AOX1: variants seen among roughly 807,000 people sequenced by gnomAD.
AOX1 encodes the protein aldehyde oxidase 1.
Under a neutral mutation model 169.5 loss-of-function variants are expected in AOX1, and 153 were observed. The ratio of observed to expected loss-of-function variants is 0.90; its 90% confidence interval spans 0.79 to 1.03. AOX1 has a LOEUF of 1.03. Among genes scored for constraint, AOX1 ranks in the 50% least tolerant of loss-of-function variants. The pLI, the probability that AOX1 is intolerant of heterozygous loss-of-function variation, is 0.00. For missense variants in AOX1, 1,656 were observed against 1,663.9 expected, an observed-to-expected ratio of 1.00 and a Z score of 0.08; for synonymous variants, 562 against 581.9, an observed-to-expected ratio of 0.97 and a Z score of 0.49.
chr2:200,651,078 T>C lies in AOX1; in HGVS notation c.2952T>C (p.Ser984=), dbSNP rs762537693. ...IQCWRECMAM[S]SYSLRKVAVE... ...GTTGGAGAGAATGTATGGCCATGTCTTCCTACTCCTTGAGGAAAGTTGCTG... is the reference window on the plus strand; with the variant it reads ...GTTGGAGAGAATGTATGGCCATGTCCTCCTACTCCTTGAGGAAAGTTGCTG... Residue 984 remains serine, a synonymous_variant, in exon 26 of 35, where the codon TCT becomes TCC. Coordinates refer to ENST00000374700, the MANE Select transcript of AOX1 (RefSeq NM_001159.4). The C allele has an allele frequency of 6.2e-7, 1 of 1,614,224 alleles. No homozygotes were observed. The highest frequency in any genetic ancestry group is 1.1e-5 in the South Asian group (1 of 91,080).
downstream of AOX1, among the ~76,000 whole-genome samples, chr2:200,672,400 G>T (rs1365508718): frequency 6.6e-6 from 1 of 152,192 alleles, no homozygotes; most frequent in Non-Finnish European, 1.5e-5. Flanking sequence ...CCAAAAACAT[G>T]GAAGCCTCAA....
downstream of AOX1, among the ~76,000 whole-genome samples, chr2:200,673,341 A>T (rs1047313663): frequency 2.0e-5 from 3 of 152,152 alleles, no homozygotes; most frequent in African/African-American, 7.2e-5. Context: ...AAACGTCCCA[A>T]GCAGATCTCC....
chr2:200,601,912 C>T (rs536548246), intron 5 of AOX1, among the ~76,000 whole-genome samples: 23 of 151,894 alleles, frequency 1.5e-4, no homozygotes, highest in East Asian at 5.8e-4. Flanking sequence ...GCAGCCTGGG[C>T]GACAGAATGA....
At position 200,605,618 on chromosome 2, in the gene AOX1, T is replaced by C. The variant is rs1391137745; in HGVS notation, c.897T>C (p.His299=). Residue 299 remains histidine, a synonymous_variant, in exon 10 of 35, where the codon CAT becomes CAC. Transcript: ENST00000374700. ...DRIEELSVVN[H]AYNGLTLGAG... ...TTGAAGAACTGAGTGTTGTAAACCA[T>C]GCATATAATGGTGAGTTCTCAAGTC... 3.9e-6 allele frequency: 6 copies of C among 1,528,168 alleles called. No individual in the cohort carries two copies. In the African/African-American group the frequency reaches 5.6e-5, roughly 14 times the overall value. The allele number at this position is 1,528,168 out of a possible 1,614,324, so 94.7% of individuals were successfully genotyped here.
Position 200,604,800 on chromosome 2 carries a change from G to A in AOX1, c.774G>A (p.Lys258=). 1 of 1,608,870 alleles carries A rather than the reference G, an allele frequency of 6.2e-7. No homozygotes were observed. The highest frequency in any genetic ancestry group is 8.5e-7 in the Non-Finnish European group (1 of 1,176,758). ...AGGAACTGCTGGAATTTAAATTCAA[G>A]TATCCCCAGGCTCCTGTTATCATGG... The part of the protein sequence containing the change: ...TLKELLEFKF[K]YPQAPVIMGN... Residue 258 remains lysine (K), a synonymous_variant, in exon 9 of 35, where the codon AAG becomes AAA. Coordinates refer to ENST00000374700, the MANE Select transcript of AOX1 (RefSeq NM_001159.4).
At chr2:200,643,582 G>T (rs771061131) in intron 25 of AOX1, among the ~76,000 whole-genome samples, 3 of 152,114 alleles carry the variant, frequency 2.0e-5, no homozygotes, top group Non-Finnish European at 2.9e-5. Flanking sequence ...CCAGTAGTGG[G>T]ATTGCTGGGT....
At chr2:200,605,857 T>A (rs980258865) in intron 10 of AOX1, among the ~76,000 whole-genome samples, 5 of 152,252 alleles carry the variant, frequency 3.3e-5, no homozygotes, top group Admixed American at 3.3e-4. Context: ...ATAAATTTAT[T>A]TAAGTTCCTT....
intron 28 of AOX1, 149 bp from the exon 29 acceptor site, chr2:200,659,846 C>A: frequency 1.7e-6 from 1 of 597,822 alleles, no homozygotes; most frequent in Non-Finnish European, 2.9e-6. Flanking sequence ...TCATATGAAA[C>A]CTTTCATATC....
chr2:200,607,439 A>G (rs758845456), intron 10 of AOX1, among the ~76,000 whole-genome samples: 1 of 152,222 alleles, frequency 6.6e-6, no homozygotes, highest in Non-Finnish European at 1.5e-5. Context: ...GCCAGTCAGA[A>G]TGGTGATTAT....
chr2:200,668,573 G>A (rs1013354276), intron 32 of AOX1, 42 bp from the exon 33 acceptor site: 3 of 1,552,780 alleles, frequency 1.9e-6, no homozygotes, highest in Admixed American at 1.9e-5. Context: ...TGTTGACTGT[G>A]TTTTCTCATA....
intron 18 of AOX1, among the ~76,000 whole-genome samples, chr2:200,622,412 C>T (rs1017364228): frequency 1.3e-5 from 2 of 152,188 alleles, no homozygotes; most frequent in Non-Finnish European, 2.9e-5. Flanking sequence ...CTGCATAATT[C>T]GGACTGCTCA....
At chr2:200,605,428 T>G in intron 9 of AOX1, 108 bp from the exon 10 acceptor site, 1 of 454,056 alleles carries the variant, frequency 2.2e-6, no homozygotes, top group Non-Finnish European at 3.8e-6. Context: ...AAAGATACAA[T>G]ATTTTTAGAT....
At chr2:200,674,073 C>T (rs572221700), downstream of AOX1, among the ~76,000 whole-genome samples, 33 of 152,350 alleles carry the variant, frequency 2.2e-4, no homozygotes, top group African/African-American at 6.7e-4. Flanking sequence ...GCGGGAGGAA[C>T]AAGCCAGCAG....
intron 25 of AOX1, among the ~76,000 whole-genome samples, chr2:200,644,167 T>A (rs1484850906): frequency 1.3e-5 from 2 of 152,202 alleles, no homozygotes; most frequent in South Asian, 4.1e-4. Flanking sequence ...GATTTTCCAA[T>A]GTTATCTTCT....
intron 16 of AOX1, among the ~76,000 whole-genome samples, chr2:200,620,197 G>GA (rs1470190926): frequency 8.6e-6 from 1 of 116,618 alleles, no homozygotes; most frequent in Non-Finnish European, 1.8e-5. Context: ...TATTAATAGT[G>GA]ACTTTTTTTT....
In AOX1 at chr2:200,642,729, T is replaced by TA; in HGVS notation, c.2775_2776insA (p.Pro926ThrfsTer23). The TA allele has an allele frequency of 6.2e-7, 1 of 1,614,176 alleles. No homozygotes were observed. Among genetic ancestry groups the TA allele is most frequent in the South Asian group, 1.1e-5 (1 of 91,082 alleles). ...ACACAGCTTTTCGTGGGTTTGGCTT[T>TA]CCTCAGGCAGCGCTGATCACCGAAT... On this transcript the variant is annotated frameshift_variant, in exon 25 of 35. Coordinates refer to ENST00000374700, the MANE Select transcript of AOX1 (RefSeq NM_001159.4). LOFTEE classifies it high-confidence loss of function.
intron 26 of AOX1, among the ~76,000 whole-genome samples, 162 bp from the exon 27 acceptor site, chr2:200,656,680 G>A (rs930537576): frequency 2.6e-5 from 4 of 151,986 alleles, no homozygotes; most frequent in Non-Finnish European, 4.4e-5. Context: ...TAGAGTCCCC[G>A]CCCTGGTTTC....
chr2:200,659,012 C>T (rs576395461), intron 27 of AOX1, among the ~76,000 whole-genome samples, 153 bp from the exon 28 acceptor site: 3 of 152,280 alleles, frequency 2.0e-5, no homozygotes, highest in South Asian at 4.1e-4. Context: ...TTTTTAGAAA[C>T]AAGAAACTTT....
At chr2:200,655,637 C>T (rs1248354567) in intron 26 of AOX1, among the ~76,000 whole-genome samples, 1 of 152,078 alleles carries the variant, frequency 6.6e-6, no homozygotes, top group Non-Finnish European at 1.5e-5. Flanking sequence ...TTACACCTGC[C>T]GACCAAATAA....
Sources: allele counts gnomAD v4.1 joint callset (sites outside exome capture counted in the v4.1 genomes callset), GRCh38; gene constraint gnomAD v4.1.1; transcripts MANE v1.5; gene names NCBI Gene and HGNC (gene_info 2026-07-23, HGNC 2026-07-21).